Variants in NDUFAF2 observed in about 807,000 individuals in gnomAD.
NDUFAF2 encodes NADH:ubiquinone oxidoreductase complex assembly factor 2.
In NDUFAF2, 13 loss-of-function variants were observed where a neutral mutation model predicts 22.8. The observed-to-expected ratio is 0.57, with a 90% CI of 0.37 to 0.91. NDUFAF2 has a LOEUF of 0.91. Ranked by LOEUF, NDUFAF2 falls within the 40% of genes least tolerant of loss-of-function variation. The pLI, the probability that NDUFAF2 is intolerant of heterozygous loss-of-function variation, is 0.01. For missense variants in NDUFAF2, 162 were observed against 195.2 expected, an observed-to-expected ratio of 0.83 and a Z score of 1.01; for synonymous variants, 53 against 64.2, an observed-to-expected ratio of 0.83 and a Z score of 0.84.
At chr5:61,144,201 A>G (rs1741098433) in intron 3 of NDUFAF2, among the ~76,000 whole-genome samples, 1 of 152,134 alleles carries the variant, frequency 6.6e-6, no homozygotes, top group South Asian at 2.1e-4. Context: ...CATCATATAT[A>G]TGTACATATA....
At chr5:61,004,475 T>C (rs1170983640) in intron 1 of NDUFAF2, among the ~76,000 whole-genome samples, 2 of 152,092 alleles carry the variant, frequency 1.3e-5, no homozygotes, top group African/African-American at 2.4e-5. Context: ...TGGAGTATCA[T>C]ATAAGGGAAT....
chr5:61,152,953 T>C lies in NDUFAF2; in HGVS notation c.508T>C (p.Ter170ArgextTer13). 6.2e-7 allele frequency: 1 copy of C among 1,613,906 alleles called. No individual in the cohort carries two copies. Among genetic ancestry groups the C allele is most frequent in the Non-Finnish European group, 8.5e-7 (1 of 1,179,864 alleles). ...ACGAGATGGCAAGAGCCACAATCAA[T>C]GAATGCATTATGGTCAAATCTTTTC... ...MPRDGKSHNQ[*>R] The change falls in exon 4 of 4, where the codon TGA (stop) becomes CGA (arginine). Residue 170 changes from the stop codon to arginine (R), a stop_lost. Transcript: ENST00000296597.
At chr5:61,082,625 G>T (rs992716870) in intron 2 of NDUFAF2, among the ~76,000 whole-genome samples, 5 of 152,026 alleles carry the variant, frequency 3.3e-5, no homozygotes, top group African/African-American at 1.2e-4. Flanking sequence ...TGCAGTATTT[G>T]GTTTTCTGTT....
chr5:60,979,149 C>CAGCAGTAGTAGCTA lies in NDUFAF2; in HGVS notation c.127+33775_127+33788dup, dbSNP rs1300661465. Among the ~76,000 whole-genome samples, 7 of 152,302 alleles carry CAGCAGTAGTAGCTA rather than the reference C, an allele frequency of 4.6e-5. 1 individual carries two copies. In the East Asian group the frequency reaches 1.4e-3, roughly 30 times the overall value. ...AAAAGTGCCTTGGGCCCTGAATAAT[C>CAGCAGTAGTAGCTA]AGCAGTAGTAGCTAAGCAGTACTCA... On this transcript the variant is annotated intron_variant, in intron 1 of 3. Transcript: ENST00000296597.
chr5:61,080,474 G>C (rs76482686), intron 2 of NDUFAF2, among the ~76,000 whole-genome samples: 2,013 of 152,270 alleles, frequency 0.013, 23 homozygotes, highest in South Asian at 0.039. Context: ...CCCATTAGTA[G>C]TGTATGAGAG....
intron 1 of NDUFAF2, among the ~76,000 whole-genome samples, chr5:61,026,411 C>T (rs1580101070): frequency 1.3e-5 from 2 of 152,056 alleles, no homozygotes; most frequent in East Asian, 3.9e-4. Flanking sequence ...CTAAATATGT[C>T]CACATTTGAT....
intron 1 of NDUFAF2, among the ~76,000 whole-genome samples, chr5:60,974,651 C>T (rs372102849): frequency 1.3e-5 from 2 of 152,102 alleles, no homozygotes; most frequent in South Asian, 4.1e-4. Flanking sequence ...TGCCCTCTGC[C>T]CTGATGGTAA....
rs577744797 is a variant in NDUFAF2 at position 61,150,640 on chromosome 5, G to A, written c.259-2064G>A. Reference sequence around the variant, plus strand: ...GGTGACATAAATAAAGTAGGCAGGGGCACAGCTTCAGGTGACATGACTGAT... The same window carrying A: ...GGTGACATAAATAAAGTAGGCAGGGACACAGCTTCAGGTGACATGACTGAT... On this transcript the variant is annotated intron_variant, in intron 3 of 3. Coordinates refer to ENST00000296597, the MANE Select transcript of NDUFAF2 (RefSeq NM_174889.5). 9.9e-5 allele frequency among the ~76,000 whole-genome samples: 15 copies of A among 152,274 alleles called. No individual in the cohort carries two copies. The East Asian group carries it at 1.9e-3, about 20-fold the overall frequency.
chr5:61,006,506 G>A (rs917135518), intron 1 of NDUFAF2, among the ~76,000 whole-genome samples: 3 of 152,082 alleles, frequency 2.0e-5, no homozygotes, highest in Non-Finnish European at 4.4e-5. Flanking sequence ...GATGGGGATG[G>A]CATTGAATCT....
chr5:60,947,334 A>G (rs945712680), intron 1 of NDUFAF2, among the ~76,000 whole-genome samples: 1 of 152,084 alleles, frequency 6.6e-6, no homozygotes, highest in Non-Finnish European at 1.5e-5. Flanking sequence ...AGCCATTTTG[A>G]TAGGTATATA....
At chr5:61,098,013 A>G (rs1752665337) in intron 2 of NDUFAF2, among the ~76,000 whole-genome samples, 1 of 152,206 alleles carries the variant, frequency 6.6e-6, no homozygotes, top group Non-Finnish European at 1.5e-5. Flanking sequence ...ACAGTCTCCT[A>G]TACAACATTG....
intron 1 of NDUFAF2, among the ~76,000 whole-genome samples, chr5:61,041,766 G>A (rs1751885636): frequency 6.6e-6 from 1 of 152,150 alleles, no homozygotes; most frequent in Admixed American, 6.6e-5. Context: ...TTCTTAGTTG[G>A]TAGGTGACAT....
chr5:61,131,567 A>G (rs2111813820), intron 3 of NDUFAF2, among the ~76,000 whole-genome samples: 1 of 152,326 alleles, frequency 6.6e-6, no homozygotes, highest in African/African-American at 2.4e-5. Flanking sequence ...GTATTGTAAA[A>G]TATGAACCAT....
At chr5:60,961,270 G>A (rs1389207111) in intron 1 of NDUFAF2, among the ~76,000 whole-genome samples, 1 of 150,800 alleles carries the variant, frequency 6.6e-6, no homozygotes, top group Non-Finnish European at 1.5e-5. Context: ...GATCAGCCAG[G>A]CCAACATGGT....
chr5:61,007,368 T>G (rs1751381511), intron 1 of NDUFAF2, among the ~76,000 whole-genome samples: 1 of 152,082 alleles, frequency 6.6e-6, no homozygotes, highest in African/African-American at 2.4e-5. Flanking sequence ...ATTTATTAAA[T>G]AGGGAATCCT....
intron 1 of NDUFAF2, among the ~76,000 whole-genome samples, chr5:61,041,599 A>G (rs1286817156): frequency 6.6e-6 from 1 of 152,062 alleles, no homozygotes; most frequent in Non-Finnish European, 1.5e-5. Context: ...TAACTATGTG[A>G]CTCTTTCAGT....
At chr5:61,144,176 A>G (rs1169006946) in intron 3 of NDUFAF2, among the ~76,000 whole-genome samples, 1 of 152,120 alleles carries the variant, frequency 6.6e-6, no homozygotes, top group Admixed American at 6.6e-5. Flanking sequence ...CTTACCATGA[A>G]TATTACACCA....
intron 3 of NDUFAF2, among the ~76,000 whole-genome samples, chr5:61,103,756 A>T (rs1752729801): frequency 6.6e-6 from 1 of 152,126 alleles, no homozygotes. Flanking sequence ...TATTTTGTTC[A>T]TAGGAATTCA....
chr5:60,989,222 TAGTC>T (rs957919278), intron 1 of NDUFAF2, among the ~76,000 whole-genome samples: 121 of 152,270 alleles, frequency 7.9e-4, no homozygotes, highest in African/African-American at 2.8e-3. Flanking sequence ...TATCTTATAT[TAGTC>T]AGAATGGCTA....
Sources: gnomAD v4.1 joint callset for allele counts (sites outside exome capture counted in the v4.1 genomes callset) on GRCh38, gnomAD v4.1.1 for gene constraint, MANE v1.5 for transcripts, NCBI Gene and HGNC (gene_info 2026-07-23, HGNC 2026-07-21) for gene names.